LIPE: variants seen among roughly 807,000 people sequenced by gnomAD.
LIPE encodes lipase E, hormone sensitive type, also known as hormone-sensitive lipase.
A neutral mutation model predicts 88.5 loss-of-function variants in LIPE; 66 were observed. That is an observed-to-expected ratio of 0.75 (90% CI 0.61 to 0.91). The LOEUF is 0.91. Among genes scored for constraint, LIPE ranks in the 40% least tolerant of loss-of-function variants. The pLI is 0.00. For synonymous variants in LIPE, 570 were observed against 617.5 expected (o/e 0.92, Z 1.14); for missense variants, 1,346 against 1,434.7 (o/e 0.94, Z 1.00).
At chr19:42,423,496 A>T (rs1323863876) in intron 1 of LIPE, 3 of 1,281,904 alleles carry the variant, frequency 2.3e-6, no homozygotes, top group Admixed American at 2.4e-5. Flanking sequence ...GGCCGGGGCC[A>T]TAGCGGCCTC....
intron 1 of LIPE, among the ~76,000 whole-genome samples, chr19:42,418,108 G>A (rs980262073): frequency 5.9e-5 from 9 of 151,920 alleles, no homozygotes; most frequent in African/African-American, 1.9e-4. Context: ...TCAGCCTCCT[G>A]AGTAGCTGGG....
rs780433136 is a variant in LIPE, at chr19:42,410,372, C to T, written c.1354G>A (p.Asp452Asn). 6.2e-6 allele frequency: 10 copies of T among 1,613,774 alleles called. No individual in the cohort carries two copies. Among genetic ancestry groups the T allele is most frequent in the East Asian group, 4.5e-5 (2 of 44,880 alleles). The change falls in exon 2 of 10, where the codon GAC becomes AAC. Residue 452 changes from aspartate to asparagine, a missense_variant. Asp to Asn is a conservative substitution (Grantham distance 23). Transcript: ENST00000244289. The surrounding 1 kb of genome is among the most constrained non-coding windows in gnomAD (Gnocchi z 6.1). ...FFEGDEGLTA[D>N]FLREYVTLHK... is the part of the protein sequence containing the mutation. ...AGCGTGACATACTCCCGGAGGAAGT[C>T]GGCGGTGAGCCCCTCGTCGCCCTCA...
chr19:42,418,347 G>T (rs2040530812), intron 1 of LIPE, among the ~76,000 whole-genome samples: 1 of 152,172 alleles, frequency 6.6e-6, no homozygotes, highest in South Asian at 2.1e-4. Context: ...ATGTTACAGA[G>T]AACAGTTTTG....
chr19:42,419,448 C>T (rs1365624562), intron 1 of LIPE, among the ~76,000 whole-genome samples: 1 of 152,114 alleles, frequency 6.6e-6, no homozygotes, highest in Admixed American at 6.5e-5. Context: ...CTGGGTGGAG[C>T]TGGCAGGAAG....
At position 42,401,893 on chromosome 19, in the gene LIPE, G is replaced by A. The variant is rs1008241379; in HGVS notation, c.3150C>T (p.Val1050=). ...GCCCGGCTCCGGCGGGAGGAGTGAG[G>A]ACGAGGCGGATGCGCTCCACGCACA... The part of the protein sequence containing the change: ...AELCVERIRL[V]LTPPAGAGPS... Residue 1050 remains valine, a synonymous_variant, in exon 10 of 10, where the codon GTC becomes GTT. Transcript: ENST00000244289. 6.5e-7 allele frequency: 1 copy of A among 1,544,616 alleles called. No individual in the cohort carries two copies. Among genetic ancestry groups the A allele is most frequent in the South Asian group, 1.2e-5 (1 of 83,844 alleles).
chr19:42,410,436 C>T lies in LIPE; in HGVS notation c.1290G>A (p.Gln430=). 1 of 1,614,206 alleles carries T rather than the reference C, an allele frequency of 6.2e-7. No individual in the cohort carries two copies. Among genetic ancestry groups the T allele is most frequent in the South Asian group, 1.1e-5 (1 of 91,092 alleles). ...CCGGCCGATTGGTAACCAGCAGGCG[C>T]TGGGCGTAGTAGACCAGAGCGCGGA... is the stretch of plus-strand genomic sequence containing the variant. ...TQLRALVYYA[Q]RLLVTNRPGV... Residue 430 remains glutamine (Q), a synonymous_variant, in exon 2 of 10, where the codon CAG becomes CAA. Transcript: ENST00000244289. This position sits in a 1 kb window ranked among gnomAD's most constrained non-coding sequence, Gnocchi z 6.1.
In LIPE at chr19:42,406,484, C is replaced by G; in HGVS notation, c.2138-96G>C. Reference sequence around the variant, plus strand: ...ACTCAAGCTGGGAGAACTGGGCTCTCCAAGGTGGGGTGTGGGGCACTCCAA... The same window carrying G: ...ACTCAAGCTGGGAGAACTGGGCTCTGCAAGGTGGGGTGTGGGGCACTCCAA... On this transcript the variant is annotated intron_variant, in intron 6 of 9. Coordinates refer to ENST00000244289, the MANE Select transcript of LIPE (RefSeq NM_005357.4). This position sits in a 1 kb window ranked among gnomAD's most constrained non-coding sequence, Gnocchi z 5.7. 2 of 1,067,584 alleles carry G rather than the reference C, an allele frequency of 1.9e-6. No individual in the cohort carries two copies. The highest frequency in any genetic ancestry group is 4.0e-5 in the Admixed American group (2 of 49,562). 66.1% of individuals were successfully genotyped at this position (1,067,584 alleles called of 1,614,324 possible).
chr19:42,421,111 C>G (rs1434148112), intron 1 of LIPE, among the ~76,000 whole-genome samples: 1 of 152,150 alleles, frequency 6.6e-6, no homozygotes, highest in Non-Finnish European at 1.5e-5. Flanking sequence ...GTTGCCCACG[C>G]TGGCCTCAAA....
At chr19:42,423,276 T>C in intron 1 of LIPE, 1 of 498,820 alleles carries the variant, frequency 2.0e-6, no homozygotes, top group Non-Finnish European at 3.3e-6. Flanking sequence ...CAATGGATCA[T>C]CCCGTTGTCC....
At position 42,402,681 on chromosome 19, in the gene LIPE, C is replaced by T; in HGVS notation, c.2893G>A (p.Val965Ile). The stretch of plus-strand genomic sequence containing the variant: ...AGCGGCGACATGAAGGGGTTCTTGA[C>T]TATGGGTGAGGAGTAGAGGGGCATC... Reference protein sequence around the residue: ...TQMPLYSSPIVKNPFMSPLLA... With the variant: ...TQMPLYSSPIIKNPFMSPLLA... The change falls in exon 9 of 10, where the codon GTC (valine) becomes ATC (isoleucine). Residue 965 changes from valine to isoleucine, a missense_variant. Physicochemically the swap from Val to Ile is conservative, Grantham distance 29. Coordinates refer to ENST00000244289, the MANE Select transcript of LIPE (RefSeq NM_005357.4). 2 of 1,512,806 alleles carry T rather than the reference C, an allele frequency of 1.3e-6. No homozygotes were observed. Among genetic ancestry groups the T allele is most frequent in the South Asian group, 1.3e-5 (1 of 75,356 alleles). The allele number at this position is 1,512,806 out of a possible 1,614,324, so 93.7% of individuals were successfully genotyped here. A position where few individuals can be genotyped will look rare whatever the true frequency, so the allele number is the denominator to read the frequency against.
At chr19:42,420,496 G>A (rs938898532) in intron 1 of LIPE, among the ~76,000 whole-genome samples, 1 of 152,046 alleles carries the variant, frequency 6.6e-6, no homozygotes, top group African/African-American at 2.4e-5. Flanking sequence ...ATGCTTGTGC[G>A]TGTCTTGGTC....
chr19:42,414,523 G>A lies in LIPE; in HGVS notation c.884-3681C>T, dbSNP rs1428366321. On this transcript the variant is annotated intron_variant, in intron 1 of 9. Transcript: ENST00000244289. The surrounding 1 kb of genome is among the most constrained non-coding windows in gnomAD (Gnocchi z 4.6). ...TGGCCTTCCTGAGATGGTGTATTGGGTGATTTTTCTCTGCGGCACTTGTCA... is the reference window on the plus strand; with the variant it reads ...TGGCCTTCCTGAGATGGTGTATTGGATGATTTTTCTCTGCGGCACTTGTCA... Among the ~76,000 whole-genome samples the A allele has an allele frequency of 6.6e-6, 1 of 152,168 alleles. No homozygotes were observed. Among genetic ancestry groups the A allele is most frequent in the African/African-American group, 2.4e-5 (1 of 41,436 alleles).
intron 1 of LIPE, chr19:42,411,302 TCTTC>T (rs2040369117): frequency 1.0e-6 from 1 of 985,024 alleles, no homozygotes. Context: ...GGTCCTTCTT[TCTTC>T]CTTCCAGGAA....
chr19:42,421,815 A>G (rs925863513), intron 1 of LIPE, among the ~76,000 whole-genome samples: 1 of 152,242 alleles, frequency 6.6e-6, no homozygotes, highest in Non-Finnish European at 1.5e-5. Flanking sequence ...CAGCCAGCCC[A>G]GATGCCCTTG....
Position 42,406,499 on chromosome 19 carries a change from G to C in LIPE, c.2138-111C>G, listed in dbSNP as rs936259991. The C allele has an allele frequency of 4.6e-6, 4 of 877,060 alleles. No homozygotes were observed. The highest frequency in any genetic ancestry group is 4.3e-5 in the Admixed American group (2 of 46,864). The allele number at this position is 877,060 out of a possible 1,614,324, so 54.3% of individuals were successfully genotyped here. A position where few individuals can be genotyped will look rare whatever the true frequency, so the allele number is the denominator to read the frequency against. The stretch of plus-strand genomic sequence containing the variant: ...ACTGGGCTCTCCAAGGTGGGGTGTG[G>C]GGCACTCCAAGGCCTAGCAGACTGC... On this transcript the variant is annotated intron_variant, in intron 6 of 9. Transcript: ENST00000244289. The surrounding 1 kb of genome is among the most constrained non-coding windows in gnomAD (Gnocchi z 5.7).
intron 1 of LIPE, chr19:42,423,658 C>T (rs988261999): frequency 8.6e-7 from 1 of 1,166,266 alleles, no homozygotes; most frequent in Non-Finnish European, 1.1e-6. Context: ...TTGCTCTTCT[C>T]TGGGTCCAGC....
rs899892121 is a variant in LIPE, at chr19:42,408,182, G to T, written c.1510+50C>A. The stretch of plus-strand genomic sequence containing the variant: ...GGTCAGGCTGCTTGGGCAGGAGTGG[G>T]GAGGAGGGCCAAGAGAGTAGGCTGC... On this transcript the variant is annotated intron_variant, in intron 3 of 9. Coordinates refer to ENST00000244289, the MANE Select transcript of LIPE (RefSeq NM_005357.4). The surrounding 1 kb of genome is among the most constrained non-coding windows in gnomAD (Gnocchi z 4.3). The T allele has an allele frequency of 6.8e-6, 11 of 1,613,710 alleles. No homozygotes were observed. Among genetic ancestry groups the T allele is most frequent in the Admixed American group, 6.7e-5 (4 of 59,998 alleles).
intron 8 of LIPE, among the ~76,000 whole-genome samples, chr19:42,403,329 C>G (rs984563125): frequency 2.0e-5 from 3 of 148,138 alleles, no homozygotes; most frequent in Non-Finnish European, 4.5e-5. Flanking sequence ...CTCTAGGAAC[C>G]TATTTTTTCT....
At position 42,412,377 on chromosome 19, in the gene LIPE, T is replaced by A. The variant is rs188326791; in HGVS notation, c.884-1535A>T. 9 of 985,874 alleles carry A rather than the reference T, an allele frequency of 9.1e-6. No individual in the cohort carries two copies. The African/African-American group carries it at 1.6e-4, about 17-fold the overall frequency. The allele number at this position is 985,874 out of a possible 1,614,324, so 61.1% of individuals were successfully genotyped here. ...GCTGGACACTCACCCCTCCTAGGCA[T>A]CTTCCGAGCTTCCCTGGGCTGGGAC... On this transcript the variant is annotated intron_variant, in intron 1 of 9. Coordinates refer to ENST00000244289, the MANE Select transcript of LIPE (RefSeq NM_005357.4).
Sources: allele counts gnomAD v4.1 joint callset (sites outside exome capture counted in the v4.1 genomes callset), GRCh38; gene constraint gnomAD v4.1.1; non-coding constraint Gnocchi (gnomAD v3.1); transcripts MANE v1.5; gene names NCBI Gene and HGNC (gene_info 2026-07-23, HGNC 2026-07-21).